KCNIP4: variants seen among roughly 807,000 people sequenced by gnomAD.
KCNIP4 encodes Kv channel-interacting protein 4.
Under a neutral mutation model 34.0 loss-of-function variants are expected in KCNIP4, and 12 were observed. The ratio of observed to expected loss-of-function variants is 0.35; its 90% CI spans 0.23 to 0.57. The LOEUF (loss-of-function observed/expected upper bound fraction) is 0.57. KCNIP4 is among the 20% of genes least tolerant of loss of function. KCNIP4 has a pLI of 0.83. For synonymous variants in KCNIP4, 124 were observed against 102.2 expected (o/e 1.21, Z -1.29); for missense variants, 238 against 311.7 (o/e 0.76, Z 1.78).
chr4:21,389,333 A>G (rs1389008108), intron 1 of KCNIP4, among the ~76,000 whole-genome samples: 1 of 151,978 alleles, frequency 6.6e-6, no homozygotes, highest in Non-Finnish European at 1.5e-5. Flanking sequence ...TTTAAGTTCT[A>G]GGGTACATGT....
chr4:21,532,424 C>T (rs1291988475), intron 1 of KCNIP4, among the ~76,000 whole-genome samples: 1 of 152,104 alleles, frequency 6.6e-6, no homozygotes, highest in African/African-American at 2.4e-5. Context: ...CAACAAAATA[C>T]TACTTTAATA....
chr4:21,554,360 C>A (rs1224065765), intron 1 of KCNIP4, among the ~76,000 whole-genome samples: 2 of 152,016 alleles, frequency 1.3e-5, no homozygotes, highest in African/African-American at 4.8e-5. Flanking sequence ...GCATTTTATT[C>A]TAGGTTTGAT....
intron 1 of KCNIP4, among the ~76,000 whole-genome samples, chr4:21,037,567 T>TA: frequency 6.6e-6 from 1 of 152,366 alleles, no homozygotes; most frequent in African/African-American, 2.4e-5. Context: ...AAGTATGCTC[T>TA]ATGATGTTCA....
intron 1 of KCNIP4, among the ~76,000 whole-genome samples, chr4:20,921,293 A>T (rs1436276702): frequency 6.6e-6 from 1 of 152,164 alleles, no homozygotes; most frequent in Non-Finnish European, 1.5e-5. Context: ...GGAGGATGAG[A>T]TGTAGGTTAC....
At chr4:21,789,675 A>C (rs1577991768) in intron 1 of KCNIP4, among the ~76,000 whole-genome samples, 1 of 152,214 alleles carries the variant, frequency 6.6e-6, no homozygotes, top group East Asian at 1.9e-4. Flanking sequence ...AAAGTTTCTT[A>C]TATCGTTTCC....
In KCNIP4 at chr4:20,882,614, T is replaced by C. The variant is rs1030253894; in HGVS notation, c.157A>G (p.Ile53Val). 30 of 1,610,560 alleles carry C rather than the reference T, an allele frequency of 1.9e-5. No individual in the cohort carries two copies. The highest frequency in any genetic ancestry group is 2.5e-5 in the Non-Finnish European group (30 of 1,177,524). Residue 53 changes from isoleucine (I) to valine (V), a missense_variant, in exon 2 of 9, where the codon ATT (isoleucine) becomes GTT (valine). By Grantham distance (29) the Ile-to-Val change is conservative (BLOSUM62 3). Coordinates refer to ENST00000382152, the MANE Select transcript of KCNIP4 (RefSeq NM_025221.6). ...AACAAAAAAACAAACTTGCTTTGAA[T>C]AGCAGGAGACGACGTTTTGGCAGCT... is the stretch of plus-strand genomic sequence containing the variant. ...CSAAKTSSPA[I>V]QNSVEDELEM...
chr4:21,414,497 A>C (rs1026393252), intron 1 of KCNIP4, among the ~76,000 whole-genome samples: 5 of 152,232 alleles, frequency 3.3e-5, no homozygotes, highest in Non-Finnish European at 7.3e-5. Flanking sequence ...TACCACTGAG[A>C]GAGCAGTTGC....
At chr4:21,122,710 T>G (rs1049686149) in intron 1 of KCNIP4, among the ~76,000 whole-genome samples, 1 of 152,086 alleles carries the variant, frequency 6.6e-6, no homozygotes, top group Non-Finnish European at 1.5e-5. Flanking sequence ...GGAAGTGAGG[T>G]GAGAAGGGCA....
chr4:20,925,801 C>T (rs1201663060), intron 1 of KCNIP4, among the ~76,000 whole-genome samples: 1 of 152,116 alleles, frequency 6.6e-6, no homozygotes, highest in Non-Finnish European at 1.5e-5. Flanking sequence ...AAAACAAAAT[C>T]AGCAAAGGAA....
chr4:20,970,649 C>T (rs1025116000), intron 1 of KCNIP4, among the ~76,000 whole-genome samples: 6 of 152,048 alleles, frequency 3.9e-5, no homozygotes, highest in Admixed American at 6.5e-5. Flanking sequence ...CCTATAGTGC[C>T]GAAGACAGCA....
intron 1 of KCNIP4, among the ~76,000 whole-genome samples, chr4:21,423,339 T>C (rs1446366571): frequency 6.6e-6 from 1 of 152,252 alleles, no homozygotes; most frequent in Non-Finnish European, 1.5e-5. Flanking sequence ...TGAGTTCTAT[T>C]GCTACTAACA....
At chr4:21,393,194 T>A (rs1560361497) in intron 1 of KCNIP4, among the ~76,000 whole-genome samples, 1 of 152,196 alleles carries the variant, frequency 6.6e-6, no homozygotes. Context: ...CTTTCAAATG[T>A]CCATCAGAAT....
chr4:21,775,080 GA>G (rs1719082803), intron 1 of KCNIP4, among the ~76,000 whole-genome samples: 1 of 152,138 alleles, frequency 6.6e-6, no homozygotes, highest in Non-Finnish European at 1.5e-5. Flanking sequence ...TCATCTTTGT[GA>G]GTTTGTCTAG....
intron 1 of KCNIP4, among the ~76,000 whole-genome samples, chr4:21,390,317 A>T (rs57847629): frequency 0.048 from 7,305 of 152,058 alleles, 448 homozygotes; most frequent in African/African-American, 0.13. Flanking sequence ...TTAGATCCCA[A>T]TTGTCAATTT....
intron 1 of KCNIP4, among the ~76,000 whole-genome samples, chr4:21,715,578 A>C (rs1714310154): frequency 6.6e-6 from 1 of 152,216 alleles, no homozygotes; most frequent in Non-Finnish European, 1.5e-5. Flanking sequence ...TTGTCTTGAT[A>C]CAACATTAGA....
chr4:21,239,038 T>C (rs1577942590), intron 1 of KCNIP4, among the ~76,000 whole-genome samples: 3 of 151,942 alleles, frequency 2.0e-5, no homozygotes, highest in South Asian at 4.2e-4. Context: ...TATAGACCAA[T>C]GGAACAGAAC....
chr4:21,037,319 A>G (rs879558006), intron 1 of KCNIP4, among the ~76,000 whole-genome samples: 2 of 152,230 alleles, frequency 1.3e-5, no homozygotes, highest in Admixed American at 6.5e-5. Context: ...TGGCTCACCC[A>G]AAACAACTTC....
intron 1 of KCNIP4, among the ~76,000 whole-genome samples, chr4:21,808,906 C>T (rs1721459418): frequency 6.6e-6 from 1 of 152,114 alleles, no homozygotes; most frequent in South Asian, 2.1e-4. Context: ...AAGAAACTCT[C>T]CAAGATGGAG....
chr4:21,551,668 T>C (rs10938843), intron 1 of KCNIP4, among the ~76,000 whole-genome samples: 65,959 of 148,774 alleles, frequency 0.44, 14,638 homozygotes, highest in South Asian at 0.63. Context: ...AGAGGGCACA[T>C]TATAATTTTT....
Sources: gnomAD v4.1 joint callset for allele counts (sites outside exome capture counted in the v4.1 genomes callset) on GRCh38, gnomAD v4.1.1 for gene constraint, MANE v1.5 for transcripts, NCBI Gene and HGNC (gene_info 2026-07-23, HGNC 2026-07-21) for gene names.